ZBTB16: variants seen among roughly 807,000 people sequenced by gnomAD.
The protein encoded by ZBTB16 is zinc finger and BTB domain-containing protein 16.
Under a neutral mutation model 56.8 loss-of-function variants are expected in ZBTB16, and 8 were observed. The ratio of observed to expected loss-of-function variants is 0.14; its 90% CI spans 0.08 to 0.25. The LOEUF is 0.25. ZBTB16 is among the 10% of genes least tolerant of loss of function. The pLI, the probability that ZBTB16 is intolerant of heterozygous loss-of-function variation, is 1.00. For synonymous variants in ZBTB16, 363 were observed against 368.5 expected (o/e 0.98, Z 0.17); for missense variants, 625 against 903.0 (o/e 0.69, Z 3.95).
intron 2 of ZBTB16, among the ~76,000 whole-genome samples, chr11:114,128,840 C>T (rs566655501): frequency 2.3e-3 from 357 of 152,322 alleles, no homozygotes; most frequent in Non-Finnish European, 3.6e-3. Context: ...CTGCCAAGCC[C>T]TGGGGCACTG....
At chr11:114,188,847 T>C (rs1217208561) in intron 4 of ZBTB16, 2 of 152,154 alleles carry the variant, frequency 1.3e-5, no homozygotes, top group Non-Finnish European at 2.9e-5. Context: ...GGGAGAAATG[T>C]TGTGGATAAA....
chr11:114,210,487 A>T (rs1226058492), intron 4 of ZBTB16: 2 of 232,452 alleles, frequency 8.6e-6, no homozygotes, highest in Non-Finnish European at 1.7e-5. Context: ...CCCAGCAATG[A>T]GAAAAAGCCC....
At chr11:114,214,962 G>A (rs1944067392) in intron 4 of ZBTB16, among the ~76,000 whole-genome samples, 1 of 151,022 alleles carries the variant, frequency 6.6e-6, no homozygotes, top group Non-Finnish European at 1.5e-5. Flanking sequence ...GGAGGGATTT[G>A]GAAGCCAGAG....
intron 4 of ZBTB16, among the ~76,000 whole-genome samples, chr11:114,208,244 A>T (rs796389483): frequency 5.9e-5 from 9 of 152,322 alleles, no homozygotes; most frequent in African/African-American, 2.2e-4. Flanking sequence ...GTTAGTTCAA[A>T]TAATCATTCA....
intron 4 of ZBTB16, among the ~76,000 whole-genome samples, chr11:114,197,709 A>G (rs542863611): frequency 6.6e-6 from 1 of 152,158 alleles, no homozygotes; most frequent in East Asian, 1.9e-4. Context: ...GGCAAGACAG[A>G]GGATTTATTT....
chr11:114,167,243 T>G (rs1405375198), intron 3 of ZBTB16, among the ~76,000 whole-genome samples: 8 of 139,102 alleles, frequency 5.8e-5, no homozygotes, highest in East Asian at 2.1e-4. Context: ...TTTTTTTTTT[T>G]TTTTTTTTTT....
At chr11:114,119,609 A>G (rs879584754) in intron 2 of ZBTB16, among the ~76,000 whole-genome samples, 14 of 152,166 alleles carry the variant, frequency 9.2e-5, no homozygotes, top group Non-Finnish European at 1.8e-4. Flanking sequence ...GGGACACTCA[A>G]GGATGGATAG....
intron 2 of ZBTB16, among the ~76,000 whole-genome samples, chr11:114,082,862 A>T (rs535942577): frequency 6.6e-6 from 1 of 151,786 alleles, no homozygotes; most frequent in African/African-American, 2.4e-5. Context: ...TTTAATAGAA[A>T]CCCAGTCTCC....
intron 2 of ZBTB16, among the ~76,000 whole-genome samples, chr11:114,094,314 C>CA (rs1205794990): frequency 5.8e-4 from 87 of 151,122 alleles, no homozygotes; most frequent in Non-Finnish European, 1.3e-4. Flanking sequence ...GACTCCGTCT[C>CA]AAAAAAATAA....
At chr11:114,238,387 T>A (rs893701769) in intron 4 of ZBTB16, among the ~76,000 whole-genome samples, 33 of 151,858 alleles carry the variant, frequency 2.2e-4, no homozygotes, top group African/African-American at 8.0e-4. Flanking sequence ...TTCTCACAGC[T>A]CTGGAGGCTG....
rs754967772 is a variant in ZBTB16, at chr11:114,250,485, G to T, written c.1952G>T (p.Gly651Val). The T allele has an allele frequency of 1.9e-6, 3 of 1,614,158 alleles. No individual in the cohort carries two copies. Among genetic ancestry groups the T allele is most frequent in the Non-Finnish European group, 1.7e-6 (2 of 1,180,022 alleles). ...SLSSMQKHMK[G>V]HKPEEIPPDW... Reference sequence around the variant, plus strand: ...TCCTCCATGCAGAAGCACATGAAGGGCCACAAGCCCGAGGAGATCCCGCCC... The same window carrying T: ...TCCTCCATGCAGAAGCACATGAAGGTCCACAAGCCCGAGGAGATCCCGCCC... Residue 651 changes from glycine (G) to valine (V), a missense_variant, in exon 7 of 7, where the codon GGC becomes GTC. By Grantham distance (109) the Gly-to-Val change is moderately radical. Coordinates refer to ENST00000335953, the MANE Select transcript of ZBTB16 (RefSeq NM_006006.6). This position sits in a 1 kb window ranked among gnomAD's most constrained non-coding sequence, Gnocchi z 6.0.
In ZBTB16 at chr11:114,063,990, T is replaced by G. The variant is rs878965109; in HGVS notation, c.690T>G (p.Ala230=). 6.2e-7 allele frequency: 1 copy of G among 1,613,482 alleles called. No individual in the cohort carries two copies. Among genetic ancestry groups the G allele is most frequent in the East Asian group, 2.2e-5 (1 of 44,856 alleles). The change falls in exon 2 of 7, where the codon GCT becomes GCG. Residue 230 remains alanine, a synonymous_variant. Coordinates refer to ENST00000335953, the MANE Select transcript of ZBTB16 (RefSeq NM_006006.6). The surrounding 1 kb of genome is among the most constrained non-coding windows in gnomAD (Gnocchi z 6.5). Reference sequence around the variant, plus strand: ...CAGGGCCCGAGGAGCCAACTCTGGCTGGGGGTGGGCGGCACCCTGGGGTGG... The same window carrying G: ...CAGGGCCCGAGGAGCCAACTCTGGCGGGGGGTGGGCGGCACCCTGGGGTGG... ...PPAGPEEPTL[A]GGGRHPGVAE...
At chr11:114,072,684 G>A (rs1939392844) in intron 2 of ZBTB16, among the ~76,000 whole-genome samples, 1 of 152,178 alleles carries the variant, frequency 6.6e-6, no homozygotes, top group Admixed American at 6.5e-5. Flanking sequence ...TAGCTGTCCT[G>A]TAAGGTGGGT....
intron 3 of ZBTB16, among the ~76,000 whole-genome samples, chr11:114,164,738 C>A: frequency 6.6e-6 from 1 of 152,172 alleles, no homozygotes; most frequent in East Asian, 1.9e-4. Flanking sequence ...GTATCTGTAT[C>A]CAGGGCTGTG....
intron 2 of ZBTB16, among the ~76,000 whole-genome samples, chr11:114,075,592 G>A (rs1939527669): frequency 6.7e-6 from 1 of 149,588 alleles, no homozygotes; most frequent in African/African-American, 2.5e-5. Context: ...AAGTACCTGG[G>A]ACCACAGGGG....
At chr11:114,200,893 A>C (rs1943723353) in intron 4 of ZBTB16, among the ~76,000 whole-genome samples, 1 of 152,190 alleles carries the variant, frequency 6.6e-6, no homozygotes. Flanking sequence ...TGTGTAACTG[A>C]AACTTGAAAG....
At chr11:114,166,201 CGTGTGTGTGTGTGTGTGTGT>C (rs3057730) in intron 3 of ZBTB16, among the ~76,000 whole-genome samples, 25 of 134,162 alleles carry the variant, frequency 1.9e-4, no homozygotes, top group African/African-American at 3.7e-4. Context: ...GACTGGTCTA[CGTGTGTGTGTGTGTGTGTGT>C]GTGTGTGTGT....
intron 6 of ZBTB16, among the ~76,000 whole-genome samples, chr11:114,248,549 A>G (rs1297595252): frequency 1.3e-5 from 2 of 152,164 alleles, no homozygotes; most frequent in Non-Finnish European, 2.9e-5. Flanking sequence ...CTGGAAAACA[A>G]AGACGCCCCC....
intron 2 of ZBTB16, among the ~76,000 whole-genome samples, chr11:114,109,251 A>G (rs1336717949): frequency 6.6e-6 from 1 of 152,144 alleles, no homozygotes; most frequent in Non-Finnish European, 1.5e-5. Context: ...ATCTGACTTT[A>G]TTGCTCTTAT....
Sources: gnomAD v4.1 joint callset for allele counts (sites outside exome capture counted in the v4.1 genomes callset) on GRCh38, gnomAD v4.1.1 for gene constraint, Gnocchi (gnomAD v3.1) non-coding constraint, MANE v1.5 for transcripts, NCBI Gene and HGNC (gene_info 2026-07-23, HGNC 2026-07-21) for gene names.